The following MCCC2 variants were observed in gnomAD, a reference collection of about 807,000 sequenced individuals.
MCCC2 encodes the protein methylcrotonoyl-CoA carboxylase beta chain, mitochondrial.
MCCC2 carries 52 observed loss-of-function variants against 77.2 expected under a neutral mutation model. The ratio of observed to expected loss-of-function variants is 0.67; its 90% CI spans 0.54 to 0.85. The LOEUF (loss-of-function observed/expected upper bound fraction) is 0.85. Ranked by LOEUF, MCCC2 falls within the 40% of genes least tolerant of loss-of-function variation. MCCC2 has a pLI of 0.00. For missense variants in MCCC2, 682 were observed against 703.2 expected, an observed-to-expected ratio of 0.97 and a Z score of 0.34; for synonymous variants, 253 against 248.4, an observed-to-expected ratio of 1.02 and a Z score of -0.18.
At chr5:71,592,835 A>G (rs1580268778) in intron 1 of MCCC2, 91 bp from the exon 2 acceptor site, 1 of 980,684 alleles carries the variant, frequency 1.0e-6, no homozygotes, top group Non-Finnish European at 1.6e-6. Flanking sequence ...GGCACAGACC[A>G]CTGTTTTTTT....
At chr5:71,593,588 G>C (rs976008071) in intron 2 of MCCC2, among the ~76,000 whole-genome samples, 1 of 149,652 alleles carries the variant, frequency 6.7e-6, no homozygotes, top group African/African-American at 2.5e-5. Context: ...ATGGGTTCTT[G>C]CTCTATTGCC....
chr5:71,616,312 A>G (rs959540919), intron 6 of MCCC2, among the ~76,000 whole-genome samples: 3 of 152,254 alleles, frequency 2.0e-5, no homozygotes, highest in African/African-American at 7.2e-5. Flanking sequence ...CCTGATTTAC[A>G]GTCAATCAGA....
intron 6 of MCCC2, among the ~76,000 whole-genome samples, chr5:71,605,522 G>C (rs1745635411): frequency 6.6e-6 from 1 of 150,900 alleles, no homozygotes; most frequent in Non-Finnish European, 1.5e-5. Context: ...CTCCCATTTT[G>C]TAGGTTGCCT....
chr5:71,643,735 G>T, intron 11 of MCCC2, 84 bp from the exon 12 acceptor site: 1 of 1,612,008 alleles, frequency 6.2e-7, no homozygotes. Flanking sequence ...TGATATTAAA[G>T]AATGTGTAAA....
chr5:71,621,052 C>G (rs759875448), intron 6 of MCCC2, among the ~76,000 whole-genome samples: 1 of 152,182 alleles, frequency 6.6e-6, no homozygotes, highest in Non-Finnish European at 1.5e-5. Context: ...GCCTCTGAGT[C>G]TGGTCAGAAA....
In MCCC2 at chr5:71,635,066, C is replaced by G. The variant is rs774350165; in HGVS notation, c.903+24C>G. The G allele has an allele frequency of 7.4e-6, 12 of 1,612,636 alleles. No homozygotes were observed. The East Asian group carries it at 2.7e-4, about 36-fold the overall frequency. On this transcript the variant is annotated intron_variant, in intron 9 of 16. Coordinates refer to ENST00000340941, the MANE Select transcript of MCCC2 (RefSeq NM_022132.5). ...ATGTGAGTACGATATGTTCTTATAT[C>G]TTTTATTTTCCTGAAATGCATTTTG...
intron 7 of MCCC2, among the ~76,000 whole-genome samples, chr5:71,629,805 A>G (rs1290338055): frequency 6.6e-6 from 1 of 151,666 alleles, no homozygotes; most frequent in Non-Finnish European, 1.5e-5. Context: ...GATAGCTGTC[A>G]TTTGTTAATG....
Position 71,635,054 on chromosome 5 carries a change from A to C in MCCC2, c.903+12A>C. ...AGAAGAAATTGGATGTGAGTACGAT[A>C]TGTTCTTATATCTTTTATTTTCCTG... On this transcript the variant is annotated intron_variant, in intron 9 of 16. Coordinates refer to ENST00000340941, the MANE Select transcript of MCCC2 (RefSeq NM_022132.5). 3 of 1,613,140 alleles carry C rather than the reference A, an allele frequency of 1.9e-6. No homozygotes were observed. Among genetic ancestry groups the C allele is most frequent in the Non-Finnish European group, 2.5e-6 (3 of 1,179,132 alleles).
At chr5:71,602,691 T>A (rs934499474) in intron 5 of MCCC2, 58 bp downstream of exon 5, 1 of 1,612,024 alleles carries the variant, frequency 6.2e-7, no homozygotes, top group African/African-American at 1.3e-5. Flanking sequence ...CAAGATAGTT[T>A]GGAAGGCTGT....
At chr5:71,606,291 A>C (rs888598825) in intron 6 of MCCC2, among the ~76,000 whole-genome samples, 2 of 150,382 alleles carry the variant, frequency 1.3e-5, no homozygotes, top group Admixed American at 6.6e-5. Context: ...GGTCCTTCAC[A>C]TCCCTTGTAA....
At chr5:71,651,717 T>C (rs1370764405) in intron 15 of MCCC2, among the ~76,000 whole-genome samples, 1 of 152,196 alleles carries the variant, frequency 6.6e-6, no homozygotes, top group African/African-American at 2.4e-5. Context: ...CTTTAGTACC[T>C]ACTAGTATCA....
At chr5:71,610,224 C>T (rs1032867674) in intron 6 of MCCC2, among the ~76,000 whole-genome samples, 174 of 152,334 alleles carry the variant, frequency 1.1e-3, no homozygotes, top group African/African-American at 3.9e-3. Flanking sequence ...AGCGAGACTC[C>T]GTGGGCGTAG....
At chr5:71,633,005 A>G (rs766559213) in intron 8 of MCCC2, among the ~76,000 whole-genome samples, 29 of 148,286 alleles carry the variant, frequency 2.0e-4, no homozygotes, top group Non-Finnish European at 3.3e-4. Flanking sequence ...CTTGTTTGTC[A>G]TCATAGTTGC....
rs770103295 is a variant in MCCC2, at chr5:71,656,725, T to C, written c.1575-18T>C. On this transcript the variant is annotated intron_variant, in intron 16 of 16. Transcript: ENST00000340941. ...GTTTGGTGGTAAATTCATAACTCTT[T>C]TTTTGTTCTTTTGTCAGGGTATGGG... 6.3e-7 allele frequency: 1 copy of C among 1,595,358 alleles called. No individual in the cohort carries two copies. The highest frequency in any genetic ancestry group is 1.7e-5 in the Admixed American group (1 of 59,992).
intron 8 of MCCC2, among the ~76,000 whole-genome samples, chr5:71,633,094 TA>T (rs1746779342): frequency 7.9e-4 from 5 of 6,350 alleles, no homozygotes; most frequent in South Asian, 0.018. Context: ...TTCAGTTTTA[TA>T]TATATATATA....
At chr5:71,631,538 CTTTTTTTTTTT>C (rs544704315) in intron 7 of MCCC2, among the ~76,000 whole-genome samples, 1 of 128,324 alleles carries the variant, frequency 7.8e-6, no homozygotes, top group African/African-American at 2.9e-5. Context: ...GGTCTTTCTT[CTTTTTTTTTTT>C]TTTTTTTTTG....
Position 71,622,483 on chromosome 5 carries a change from T to C in MCCC2, c.625-4157T>C, listed in dbSNP as rs529285840. ...TATCATATAACTTACCCATTTGATG[T>C]GTACAATTCAATGGCTTTTAGGATA... On this transcript the variant is annotated intron_variant, in intron 6 of 16. Transcript: ENST00000340941. Among the ~76,000 whole-genome samples the C allele has an allele frequency of 3.3e-5, 5 of 152,338 alleles. No homozygotes were observed. In the South Asian group the frequency reaches 1.0e-3, roughly 32 times the overall value.
At chr5:71,630,194 C>T (rs1033088980) in intron 7 of MCCC2, among the ~76,000 whole-genome samples, 8 of 152,272 alleles carry the variant, frequency 5.3e-5, no homozygotes, top group Admixed American at 6.5e-5. Flanking sequence ...TAAATTCTGA[C>T]GCACGCTTGA....
chr5:71,595,567 C>A (rs1429555600), intron 2 of MCCC2, among the ~76,000 whole-genome samples: 3 of 152,060 alleles, frequency 2.0e-5, no homozygotes, highest in African/African-American at 7.2e-5. Context: ...TTCTTGGACA[C>A]CAATAAAAAT....
Sources: gnomAD v4.1 joint callset for allele counts (sites outside exome capture counted in the v4.1 genomes callset) on GRCh38, gnomAD v4.1.1 for gene constraint, MANE v1.5 for transcripts, NCBI Gene and HGNC (gene_info 2026-07-23, HGNC 2026-07-21) for gene names.